METTL15: variants seen among roughly 807,000 people sequenced by gnomAD.
The protein encoded by METTL15 is 12S rRNA N(4)-cytidine methyltransferase METTL15.
METTL15 carries 34 observed loss-of-function variants against 38.3 expected under a neutral mutation model. The observed-to-expected ratio is 0.89, with a 90% confidence interval of 0.68 to 1.18. The LOEUF is 1.18. Ranked by LOEUF, METTL15 falls within the 50% of genes most tolerant of loss-of-function variation. The pLI is 0.00. For synonymous variants in METTL15, 162 were observed against 170.9 expected, an observed-to-expected ratio of 0.95 and a Z score of 0.41; for missense variants, 438 against 498.4, an observed-to-expected ratio of 0.88 and a Z score of 1.15.
intron 5 of METTL15, among the ~76,000 whole-genome samples, chr11:28,422,026 G>A (rs558201805): frequency 6.6e-6 from 1 of 152,078 alleles, no homozygotes; most frequent in Non-Finnish European, 1.5e-5. Flanking sequence ...AAAATCAGTA[G>A]CATTTTTATA....
At chr11:28,264,689 T>A (rs1855342685) in intron 4 of METTL15, among the ~76,000 whole-genome samples, 1 of 152,132 alleles carries the variant, frequency 6.6e-6, no homozygotes, top group South Asian at 2.1e-4. Context: ...ATATTCCTTT[T>A]TGTACCCTCT....
At chr11:28,137,571 G>A (rs1849555144) in intron 3 of METTL15, among the ~76,000 whole-genome samples, 1 of 152,124 alleles carries the variant, frequency 6.6e-6, no homozygotes, top group Non-Finnish European at 1.5e-5. Context: ...ATGTCCTCAA[G>A]CCTTATCAAA....
At chr11:28,208,685 G>A (rs1316039934) in intron 3 of METTL15, among the ~76,000 whole-genome samples, 1 of 152,146 alleles carries the variant, frequency 6.6e-6, no homozygotes, top group Middle Eastern at 3.4e-3. Context: ...TTGTCTCCTT[G>A]ATCTGTCTAA....
At chr11:28,511,334 A>T (rs1851672404) in intron 6 of METTL15, among the ~76,000 whole-genome samples, 1 of 152,228 alleles carries the variant, frequency 6.6e-6, no homozygotes. Context: ...TATTATATAT[A>T]CTGTATTTTT....
At chr11:28,355,938 T>C (rs925022903) in intron 4 of METTL15, among the ~76,000 whole-genome samples, 5 of 152,176 alleles carry the variant, frequency 3.3e-5, no homozygotes, top group Non-Finnish European at 7.4e-5. Context: ...CTCATTATCC[T>C]CCTGGAACTT....
At chr11:28,498,638 T>G (rs1338807958) in intron 6 of METTL15, among the ~76,000 whole-genome samples, 2 of 152,216 alleles carry the variant, frequency 1.3e-5, no homozygotes, top group Non-Finnish European at 2.9e-5. Context: ...TTCCCCTTAT[T>G]TAGAGATTCA....
At chr11:28,146,773 T>C (rs186538343) in intron 3 of METTL15, among the ~76,000 whole-genome samples, 5 of 152,108 alleles carry the variant, frequency 3.3e-5, no homozygotes, top group Admixed American at 2.0e-4. Flanking sequence ...AATTAGATGT[T>C]ACGTTTTACT....
intron 3 of METTL15, among the ~76,000 whole-genome samples, chr11:28,137,175 A>G (rs1043754351): frequency 1.3e-5 from 2 of 152,184 alleles, no homozygotes; most frequent in African/African-American, 4.8e-5. Flanking sequence ...CTTCTATTTC[A>G]ATGCGCAATT....
At chr11:28,354,251 T>C (rs1850070620) in intron 4 of METTL15, among the ~76,000 whole-genome samples, 1 of 152,140 alleles carries the variant, frequency 6.6e-6, no homozygotes, top group Non-Finnish European at 1.5e-5. Context: ...TGGATAACAA[T>C]AGCACTCTTC....
chr11:28,279,115 C>G (rs1441754565), intron 4 of METTL15, among the ~76,000 whole-genome samples: 9 of 152,224 alleles, frequency 5.9e-5, no homozygotes, highest in Non-Finnish European at 1.2e-4. Context: ...GCATGAGCCG[C>G]TGTGCCCAGC....
At chr11:28,209,281 C>T (rs1852517305) in intron 3 of METTL15, among the ~76,000 whole-genome samples, 1 of 151,826 alleles carries the variant, frequency 6.6e-6, no homozygotes, top group Non-Finnish European at 1.5e-5. Context: ...GTATTGATCC[C>T]ATGACAAGGA....
At chr11:28,405,849 C>T (rs535601613) in intron 5 of METTL15, among the ~76,000 whole-genome samples, 16 of 151,872 alleles carry the variant, frequency 1.1e-4, no homozygotes, top group Non-Finnish European at 1.9e-4. Flanking sequence ...GCATACCCAC[C>T]TCTCATATTC....
chr11:28,374,489 T>A (rs1850283215), intron 5 of METTL15, among the ~76,000 whole-genome samples: 2 of 142,768 alleles, frequency 1.4e-5, no homozygotes, highest in African/African-American at 5.0e-5. Flanking sequence ...TGTATAGGAA[T>A]GCTTGTGATT....
At chr11:28,432,203 G>A (rs564211971) in intron 6 of METTL15, among the ~76,000 whole-genome samples, 3 of 152,314 alleles carry the variant, frequency 2.0e-5, no homozygotes, top group South Asian at 2.1e-4. Context: ...AGTTATTGAC[G>A]ATGGAAAAGA....
At chr11:28,297,591 C>T (rs1047416375) in intron 6 of METTL15, among the ~76,000 whole-genome samples, 4 of 152,058 alleles carry the variant, frequency 2.6e-5, no homozygotes, top group African/African-American at 7.2e-5. Context: ...AGCTAGGAGG[C>T]GCTTTATTAT....
rs915671736 is a variant in METTL15 at position 28,162,546 on chromosome 11, C to T, written c.271-48516C>T. On this transcript the variant is annotated intron_variant, in intron 3 of 6. Coordinates refer to ENST00000407364, the MANE Select transcript of METTL15 (RefSeq NM_001113528.2). ...TTCTGGACTTTAAGATACAAATGCT[C>T]CTTGACTGATGATGAGGTTACATCC... 4.6e-5 allele frequency among the ~76,000 whole-genome samples: 7 copies of T among 152,054 alleles called. 1 individual carries two copies. The highest frequency in any genetic ancestry group is 1.7e-4 in the African/African-American group (7 of 41,412).
At position 28,351,870 on chromosome 11, in the gene METTL15, A is replaced by C. The variant is rs577223625; in HGVS notation, c.*190-220A>C. ...GGTTGCAAGAGACTGTTTACGTTTT[A>C]TAAACTTAGCTAGGAGGTTCACTTT... On this transcript the variant is annotated intron_variant and NMD_transcript_variant, in intron 3 of 7. Coordinates refer to the METTL15 transcript ENST00000532947. Among the ~76,000 whole-genome samples the C allele has an allele frequency of 3.3e-5, 5 of 152,334 alleles. No homozygotes were observed. The South Asian group carries it at 1.0e-3, about 32-fold the overall frequency.
intron 6 of METTL15, among the ~76,000 whole-genome samples, chr11:28,518,846 A>G (rs979174892): frequency 2.6e-5 from 4 of 152,216 alleles, no homozygotes; most frequent in Non-Finnish European, 5.9e-5. Context: ...TGAATATTGT[A>G]AGGGTTTTAA....
intron 4 of METTL15, among the ~76,000 whole-genome samples, chr11:28,263,285 T>A (rs1410587102): frequency 6.6e-6 from 1 of 152,080 alleles, no homozygotes. Flanking sequence ...AAGTTAGATG[T>A]AATAATATAA....
Sources: allele counts gnomAD v4.1 joint callset (sites outside exome capture counted in the v4.1 genomes callset), GRCh38; gene constraint gnomAD v4.1.1; transcripts MANE v1.5; gene names NCBI Gene and HGNC (gene_info 2026-07-23, HGNC 2026-07-21).